Variants in CNTNAP5 observed in about 807,000 individuals in gnomAD.
CNTNAP5 encodes contactin associated protein family member 5, also known as contactin-associated protein-like 5.
In CNTNAP5, 72 loss-of-function variants were observed where a neutral mutation model predicts 150.2. The observed-to-expected ratio is 0.48, with a 90% CI of 0.40 to 0.58. CNTNAP5 has a LOEUF of 0.58. Ranked by LOEUF, CNTNAP5 falls within the 20% of genes least tolerant of loss-of-function variation. The pLI is 0.00. For missense variants in CNTNAP5, 1,636 were observed against 1,626.2 expected (o/e 1.01, Z -0.10); for synonymous variants, 672 against 619.8 (o/e 1.08, Z -1.25).
rs147362381 is a variant in CNTNAP5 at position 124,219,752 on chromosome 2, T to C, written c.83-1953T>C. Among the ~76,000 whole-genome samples, 962 of 152,266 alleles carry C rather than the reference T, an allele frequency of 6.3e-3. 10 individuals are homozygous for C. The highest frequency in any genetic ancestry group is 7.7e-3 in the Non-Finnish European group (523 of 68,012). On this transcript the variant is annotated intron_variant, in intron 1 of 23. Transcript: ENST00000682447. ...GATTATTATATGTTTTTTTCTAATA[T>C]ATAAATAATGCAACAAATATGTGAC...
intron 11 of CNTNAP5, among the ~76,000 whole-genome samples, chr2:124,605,434 A>G (rs1370385661): frequency 6.6e-6 from 1 of 152,230 alleles, no homozygotes; most frequent in African/African-American, 2.4e-5. Flanking sequence ...TGCAATGAGA[A>G]AGTTAAAAAG....
intron 1 of CNTNAP5, among the ~76,000 whole-genome samples, chr2:124,036,705 A>T (rs1035180938): frequency 6.6e-6 from 1 of 151,928 alleles, no homozygotes; most frequent in Non-Finnish European, 1.5e-5. Context: ...TCAAACCTAC[A>T]CTCTGTGCCA....
At chr2:124,730,346 GATAT>G (rs139189466) in intron 13 of CNTNAP5, among the ~76,000 whole-genome samples, 3 of 146,920 alleles carry the variant, frequency 2.0e-5, no homozygotes, top group South Asian at 2.2e-4. Context: ...CATGTGTACA[GATAT>G]ATATATATAT....
At chr2:124,790,370 C>T (rs991603161) in intron 18 of CNTNAP5, among the ~76,000 whole-genome samples, 9 of 152,138 alleles carry the variant, frequency 5.9e-5, no homozygotes, top group East Asian at 1.9e-4. Context: ...ACCCTGCCCA[C>T]GGCCAAAAAG....
chr2:124,674,546 T>TCTTTCTTCCTTTCTTC (rs1553430201), intron 13 of CNTNAP5, among the ~76,000 whole-genome samples: 104 of 130,260 alleles, frequency 8.0e-4, no homozygotes, highest in African/African-American at 2.6e-3. Flanking sequence ...TTTCTTTCTT[T>TCTTTCTTCCTTTCTTC]CTTTCTTCCT....
At position 124,259,185 on chromosome 2, in the gene CNTNAP5, A is replaced by T. The variant is rs560727270; in HGVS notation, c.381+16792A>T. ...ATCCATGTCCCTACAAAGGACATGA[A>T]CTCATCCTTTTTTACCGCTGCATAG... On this transcript the variant is annotated intron_variant, in intron 3 of 23. Transcript: ENST00000682447. Among the ~76,000 whole-genome samples, 362 of 151,992 alleles carry T rather than the reference A, an allele frequency of 2.4e-3. 4 individuals carry two copies. Among genetic ancestry groups the T allele is most frequent in the African/African-American group, 8.3e-3 (344 of 41,442 alleles).
chr2:124,651,607 G>A (rs376153053), intron 13 of CNTNAP5, among the ~76,000 whole-genome samples: 4 of 152,222 alleles, frequency 2.6e-5, no homozygotes, highest in South Asian at 2.1e-4. Context: ...ATCTCCTGAA[G>A]TCAGAGCAAA....
chr2:124,357,799 T>A (rs2104709972), intron 3 of CNTNAP5, among the ~76,000 whole-genome samples: 1 of 147,104 alleles, frequency 6.8e-6, no homozygotes, highest in South Asian at 2.3e-4. Context: ...GGCTCTTTTT[T>A]GGTTCCATAT....
At chr2:124,258,904 C>T (rs770463608) in intron 3 of CNTNAP5, among the ~76,000 whole-genome samples, 38 of 151,646 alleles carry the variant, frequency 2.5e-4, no homozygotes, top group African/African-American at 7.3e-4. Context: ...ATGTGCACAA[C>T]GTGCAGGTTT....
intron 3 of CNTNAP5, among the ~76,000 whole-genome samples, chr2:124,348,990 G>T (rs757790030): frequency 1.3e-5 from 2 of 152,164 alleles, no homozygotes; most frequent in Non-Finnish European, 2.9e-5. Flanking sequence ...TCCCAGAGGT[G>T]TGTGTTCTTG....
intron 13 of CNTNAP5, among the ~76,000 whole-genome samples, chr2:124,740,878 C>G (rs1368347244): frequency 6.6e-6 from 1 of 151,982 alleles, no homozygotes; most frequent in African/African-American, 2.4e-5. Flanking sequence ...CAAGGAAGCT[C>G]TGGAAGGGCA....
chr2:124,919,535 G>A lies in CNTNAP5; in HGVS notation c.*5247G>A, dbSNP rs1450605636. 6.6e-6 allele frequency among the ~76,000 whole-genome samples: 1 copy of A among 152,050 alleles called. No homozygotes were observed. The highest frequency in any genetic ancestry group is 2.4e-5 in the African/African-American group (1 of 41,438). On this transcript the variant is annotated 3_prime_UTR_variant, in exon 24 of 24. Transcript: ENST00000682447. ...GAGGGGCCAGTGGCAGTAATTGGTG[G>A]CCATCTGAGGTGAGGAAGGAAATTG...
intron 8 of CNTNAP5, among the ~76,000 whole-genome samples, chr2:124,513,178 G>A (rs1694632490): frequency 6.6e-6 from 1 of 152,178 alleles, no homozygotes; most frequent in Non-Finnish European, 1.5e-5. Context: ...CCAGATGTTG[G>A]CAGGATTGAT....
chr2:124,189,727 T>C (rs771081126), intron 1 of CNTNAP5, among the ~76,000 whole-genome samples: 4 of 152,198 alleles, frequency 2.6e-5, no homozygotes, highest in Non-Finnish European at 5.9e-5. Flanking sequence ...ACCTTAAGAA[T>C]TGGCAAGACT....
At chr2:124,266,726 C>T (rs537203387) in intron 3 of CNTNAP5, among the ~76,000 whole-genome samples, 1 of 152,210 alleles carries the variant, frequency 6.6e-6, no homozygotes, top group African/African-American at 2.4e-5. Flanking sequence ...TGTTTTACTT[C>T]CCAGCATATT....
chr2:124,516,420 G>C (rs370072927), intron 8 of CNTNAP5, among the ~76,000 whole-genome samples: 2 of 152,246 alleles, frequency 1.3e-5, no homozygotes, highest in East Asian at 3.9e-4. Flanking sequence ...ATAAAGCCTA[G>C]AAACTTTCAA....
In CNTNAP5 at chr2:124,911,033, C is replaced by T. The variant is rs143979691; in HGVS notation, c.3656-434C>T. ...TTCTCTCTCATCAGTGAGGCCTGCT[C>T]CTGAAGGTGTTAATTCTCCAGCACT... is the stretch of plus-strand genomic sequence containing the variant. On this transcript the variant is annotated intron_variant, in intron 22 of 23. Coordinates refer to ENST00000682447, the MANE Select transcript of CNTNAP5 (RefSeq NM_001367498.1). Among the ~76,000 whole-genome samples the T allele has an allele frequency of 9.9e-4, 151 of 151,890 alleles. 3 individuals carry two copies. Among genetic ancestry groups the T allele is most frequent in the African/African-American group, 3.5e-3 (147 of 41,476 alleles).
At position 124,903,221 on chromosome 2, in the gene CNTNAP5, G is replaced by C. The variant is rs537054529; in HGVS notation, c.3655+121G>C. On this transcript the variant is annotated intron_variant, in intron 22 of 23. Transcript: ENST00000682447. The stretch of plus-strand genomic sequence containing the variant: ...TCAGTTTTTACTTTGTATAATAACA[G>C]GTGGCTAAAAATTATGACTGATATT... 6.0e-4 allele frequency: 340 copies of C among 562,760 alleles called. 2 individuals are homozygous for C. Among genetic ancestry groups the C allele is most frequent in the Middle Eastern group, 5.8e-3 (13 of 2,230 alleles). 34.9% of individuals were successfully genotyped at this position (562,760 alleles called of 1,614,324 possible). A position where few individuals can be genotyped will look rare whatever the true frequency, so the allele number is the denominator to read the frequency against.
rs1057103552 is a variant in CNTNAP5 at position 124,918,912 on chromosome 2, T to C, written c.*4624T>C. On this transcript the variant is annotated 3_prime_UTR_variant, in exon 24 of 24. Coordinates refer to ENST00000682447, the MANE Select transcript of CNTNAP5 (RefSeq NM_001367498.1). ...TAACTGAGTGCTATTTTCTGTCTCA[T>C]GCAGTTTGAACATGTTTTCTTTAAA... is the stretch of plus-strand genomic sequence containing the variant. Among the ~76,000 whole-genome samples, 4 of 152,268 alleles carry C rather than the reference T, an allele frequency of 2.6e-5. 1 individual carries two copies. The highest frequency in any genetic ancestry group is 5.9e-5 in the Non-Finnish European group (4 of 68,002).
Sources: gnomAD v4.1 joint callset for allele counts (sites outside exome capture counted in the v4.1 genomes callset) on GRCh38, gnomAD v4.1.1 for gene constraint, MANE v1.5 for transcripts, NCBI Gene and HGNC (gene_info 2026-07-23, HGNC 2026-07-21) for gene names.